Variants in FGD4 observed in about 807,000 individuals in gnomAD.
The protein encoded by FGD4 is FYVE, RhoGEF and PH domain containing 4.
Under a neutral mutation model 102.0 loss-of-function variants are expected in FGD4, and 42 were observed. The observed-to-expected ratio is 0.41, with a 90% CI of 0.32 to 0.53. The LOEUF (loss-of-function observed/expected upper bound fraction) is 0.53. Ranked by LOEUF, FGD4 falls within the 20% of genes least tolerant of loss-of-function variation. The pLI is 0.21. For missense variants in FGD4, 902 were observed against 1,078.2 expected (o/e 0.84, Z 2.29); for synonymous variants, 380 against 375.7 (o/e 1.01, Z -0.13).
At chr12:32,541,702 G>GA (rs111937356) in intron 1 of FGD4, among the ~76,000 whole-genome samples, 91 of 152,228 alleles carry the variant, frequency 6.0e-4, no homozygotes, top group African/African-American at 2.0e-3. Flanking sequence ...TCAAAATAAA[G>GA]AGGAGAGTCA....
At chr12:32,449,706 G>C (rs1457917204) in intron 1 of FGD4, among the ~76,000 whole-genome samples, 2 of 151,902 alleles carry the variant, frequency 1.3e-5, no homozygotes, top group Non-Finnish European at 2.9e-5. Flanking sequence ...TATTTTGTGG[G>C]GAAGTAACTT....
chr12:32,400,100 G>A, intron 1 of FGD4, 141 bp downstream of exon 1: 2 of 1,238,066 alleles, frequency 1.6e-6, no homozygotes, highest in African/African-American at 1.6e-5. Context: ...GGAAGGCTGC[G>A]CTCGGCCACC....
chr12:32,524,837 A>T (rs1940974831), intron 1 of FGD4, among the ~76,000 whole-genome samples: 1 of 149,130 alleles, frequency 6.7e-6, no homozygotes, highest in Non-Finnish European at 1.5e-5. Flanking sequence ...AAAAAAAAAA[A>T]TGAGCACAGA....
intron 5 of FGD4, among the ~76,000 whole-genome samples, chr12:32,599,097 T>C (rs1948137940): frequency 6.6e-6 from 1 of 152,216 alleles, no homozygotes; most frequent in Admixed American, 6.5e-5. Context: ...CCAGCTGATA[T>C]TTGTTTAATG....
intron 1 of FGD4, among the ~76,000 whole-genome samples, chr12:32,517,603 A>G (rs536894478): frequency 7.1e-4 from 108 of 152,296 alleles, no homozygotes; most frequent in African/African-American, 2.4e-3. Context: ...AGATATGATT[A>G]GTCTTAGGGC....
At chr12:32,633,725 A>AT (rs961837685) in intron 15 of FGD4, 36 bp downstream of exon 15, 10 of 1,558,832 alleles carry the variant, frequency 6.4e-6, no homozygotes, top group South Asian at 5.6e-5. Flanking sequence ...CTTTTAGATT[A>AT]TTTTTTTCCC....
chr12:32,436,008 C>T (rs1565739045), intron 1 of FGD4, among the ~76,000 whole-genome samples: 1 of 152,190 alleles, frequency 6.6e-6, no homozygotes, highest in Non-Finnish European at 1.5e-5. Context: ...ATAAGGTTAT[C>T]CTCACTCAAC....
At chr12:32,490,438 C>G (rs1165582153) in intron 1 of FGD4, among the ~76,000 whole-genome samples, 3 of 145,088 alleles carry the variant, frequency 2.1e-5, no homozygotes, top group Non-Finnish European at 4.5e-5. Flanking sequence ...GCTCTGTTAC[C>G]CAGACTGGAG....
rs564898421 is a variant in FGD4, at chr12:32,418,480, A to G, written c.166+18521A>G. ...GCCGACTTATAGAGGTACCACCTTG[A>G]TGATCTTAGATAAGATCTGGAAGAA... On this transcript the variant is annotated intron_variant, in intron 1 of 16. Transcript: ENST00000534526. 3.9e-5 allele frequency among the ~76,000 whole-genome samples: 6 copies of G among 152,242 alleles called. No individual in the cohort carries two copies. In the East Asian group the frequency reaches 1.2e-3, roughly 30 times the overall value.
intron 1 of FGD4, among the ~76,000 whole-genome samples, chr12:32,509,376 A>G (rs1939131479): frequency 6.6e-6 from 1 of 152,062 alleles, no homozygotes; most frequent in South Asian, 2.1e-4. Flanking sequence ...TTAATGAGAA[A>G]TGTCTTTAAG....
Position 32,486,497 on chromosome 12 carries a change from A to G in FGD4, c.167-77640A>G, listed in dbSNP as rs139826345. 8.5e-4 allele frequency among the ~76,000 whole-genome samples: 129 copies of G among 152,294 alleles called. 2 individuals are homozygous for G. In the East Asian group the frequency reaches 0.022, roughly 26 times the overall value. ...CCTTGTCATCTCAGTCTTTTTTATT[A>G]TAACCTCTTTCCTTCTACTTTTTTC... On this transcript the variant is annotated intron_variant, in intron 1 of 16. Transcript: ENST00000534526.
intron 1 of FGD4, among the ~76,000 whole-genome samples, chr12:32,548,913 G>A (rs528109383): frequency 6.6e-6 from 1 of 152,188 alleles, no homozygotes; most frequent in East Asian, 1.9e-4. Flanking sequence ...GATGATTACC[G>A]AGAAGTCAAA....
rs1943074085 is a variant in FGD4 at position 32,544,414 on chromosome 12, A to AGC, written c.167-19722_167-19721dup. On this transcript the variant is annotated intron_variant, in intron 1 of 16. Coordinates refer to ENST00000534526, the MANE Select transcript of FGD4 (RefSeq NM_001370298.3). The surrounding 1 kb of genome is among the most constrained non-coding windows in gnomAD (Gnocchi z 4.1). ...CACTGCACTCCAGCCTGGGTGACAA[A>AGC]GCAAGACTCTCTCAAAACAAAGAAA... is the stretch of plus-strand genomic sequence containing the variant. Among the ~76,000 whole-genome samples, 1 of 152,102 alleles carries AGC rather than the reference A, an allele frequency of 6.6e-6. No homozygotes were observed. The highest frequency in any genetic ancestry group is 2.1e-4 in the South Asian group (1 of 4,822).
intron 4 of FGD4, among the ~76,000 whole-genome samples, chr12:32,595,241 C>G (rs1284076890): frequency 6.6e-6 from 1 of 152,114 alleles, no homozygotes; most frequent in Admixed American, 6.6e-5. Flanking sequence ...TAAGTTTTAT[C>G]TCTTTTTCCT....
intron 1 of FGD4, among the ~76,000 whole-genome samples, chr12:32,516,861 A>G (rs1565793017): frequency 6.6e-6 from 1 of 152,218 alleles, no homozygotes; most frequent in Non-Finnish European, 1.5e-5. Context: ...AAAGAATGGG[A>G]AACTTGGCAC....
At chr12:32,466,728 C>T (rs1038796225) in intron 1 of FGD4, among the ~76,000 whole-genome samples, 2 of 151,706 alleles carry the variant, frequency 1.3e-5, no homozygotes, top group African/African-American at 4.9e-5. Context: ...ATCAGCCAGG[C>T]GTGGTGGCGC....
At chr12:32,562,730 A>G (rs1175489567) in intron 1 of FGD4, among the ~76,000 whole-genome samples, 1 of 152,188 alleles carries the variant, frequency 6.6e-6, no homozygotes, top group Admixed American at 6.5e-5. Flanking sequence ...GGTTGGGGGT[A>G]AAAGGTCACC....
chr12:32,412,899 ATTTTTTTT>A (rs869107334), intron 1 of FGD4, among the ~76,000 whole-genome samples: 15 of 86,988 alleles, frequency 1.7e-4, no homozygotes, highest in South Asian at 1.7e-3. Context: ...TTTTCTAGAA[ATTTTTTTT>A]TTTTTTTTTT....
rs11051984 is a variant in FGD4 at position 32,400,672 on chromosome 12, C to G, written c.166+713C>G. Among the ~76,000 whole-genome samples, 708 of 152,262 alleles carry G rather than the reference C, an allele frequency of 4.6e-3. 6 individuals are homozygous for G. The highest frequency in any genetic ancestry group is 0.016 in the African/African-American group (662 of 41,530). Reference sequence around the variant, plus strand: ...CTCTTCTCCCCAGGCGAGTTTGAAACTAGGGATTTCTTTTTTCTTTGATTT... The same window carrying G: ...CTCTTCTCCCCAGGCGAGTTTGAAAGTAGGGATTTCTTTTTTCTTTGATTT... On this transcript the variant is annotated intron_variant, in intron 1 of 16. Transcript: ENST00000534526.
Sources: gnomAD v4.1 joint callset for allele counts (sites outside exome capture counted in the v4.1 genomes callset) on GRCh38, gnomAD v4.1.1 for gene constraint, Gnocchi (gnomAD v3.1) non-coding constraint, MANE v1.5 for transcripts, NCBI Gene and HGNC (gene_info 2026-07-23, HGNC 2026-07-21) for gene names.